KIF15: variants seen among roughly 807,000 people sequenced by gnomAD.
The protein encoded by KIF15 is kinesin-like protein KIF15.
Under a neutral mutation model 190.6 loss-of-function variants are expected in KIF15, and 140 were observed. The observed-to-expected ratio is 0.73, with a 90% CI of 0.64 to 0.84. The LOEUF is 0.84. KIF15 is among the 40% of genes least tolerant of loss of function. The pLI, the probability that KIF15 is intolerant of heterozygous loss-of-function variation, is 0.00. For synonymous variants in KIF15, 528 were observed against 551.3 expected (o/e 0.96, Z 0.59); for missense variants, 1,372 against 1,584.4 (o/e 0.87, Z 2.28).
intron 27 of KIF15, among the ~76,000 whole-genome samples, chr3:44,839,606 A>G (rs1559585422): frequency 6.6e-6 from 1 of 152,112 alleles, no homozygotes; most frequent in Non-Finnish European, 1.5e-5. Flanking sequence ...GCCCTGCAGT[A>G]GATCTCCAAA....
rs1459643261 is a variant in KIF15 at position 44,853,055 on chromosome 3, A to T, written c.*320A>T. On this transcript the variant is annotated 3_prime_UTR_variant, in exon 35 of 35. Transcript: ENST00000326047. ...ATTAGCCAGATCATTTTCTTCTTAG[A>T]TTATGCCATAATCTCCTTTGATTCT... 1.1e-5 allele frequency: 2 copies of T among 181,672 alleles called. No homozygotes were observed. The highest frequency in any genetic ancestry group is 4.7e-5 in the African/African-American group (2 of 42,604). The allele number at this position is 181,672 out of a possible 1,614,324, so 11.3% of individuals were successfully genotyped here.
At chr3:44,766,201 G>A (rs1705366443) in intron 1 of KIF15, among the ~76,000 whole-genome samples, 1 of 152,210 alleles carries the variant, frequency 6.6e-6, no homozygotes, top group Non-Finnish European at 1.5e-5. Context: ...GAGATTAGGA[G>A]TTATCTGTTT....
intron 6 of KIF15, among the ~76,000 whole-genome samples, chr3:44,868,596 G>T (rs182829113): frequency 6.6e-6 from 1 of 152,280 alleles, no homozygotes; most frequent in Non-Finnish European, 1.5e-5. Flanking sequence ...CAGGAAAAGG[G>T]CCCTCATCAG....
At chr3:44,798,266 G>A (rs535752824) in intron 10 of KIF15, among the ~76,000 whole-genome samples, 201 of 151,814 alleles carry the variant, frequency 1.3e-3, no homozygotes, top group African/African-American at 4.4e-3. Flanking sequence ...GGGCTCAAGC[G>A]ATCCTCCTGC....
At chr3:44,820,335 TTC>T (rs1708210251) in intron 20 of KIF15, among the ~76,000 whole-genome samples, 3 of 150,624 alleles carry the variant, frequency 2.0e-5, no homozygotes, top group African/African-American at 7.3e-5. Flanking sequence ...TCTTTTTTTT[TTC>T]CTTTTTTTTT....
At chr3:44,865,174 G>A in intron 6 of KIF15, 3 of 1,614,198 alleles carry the variant, frequency 1.9e-6, no homozygotes, top group Non-Finnish European at 2.5e-6. Flanking sequence ...CACACAAGCA[G>A]CAGTAGCACC....
intron 7 of KIF15, among the ~76,000 whole-genome samples, chr3:44,789,726 G>A (rs1706594438): frequency 7.1e-6 from 1 of 141,368 alleles, no homozygotes; most frequent in Middle Eastern, 3.5e-3. Context: ...AACACAACAA[G>A]TCCTCACTTA....
intron 7 of KIF15, among the ~76,000 whole-genome samples, chr3:44,790,743 A>C (rs951831168): frequency 1.5e-5 from 2 of 132,500 alleles, no homozygotes; most frequent in African/African-American, 5.9e-5. Context: ...GCCAGGCTAG[A>C]GTGCAGTGGC....
chr3:44,805,997 T>G lies in KIF15; in HGVS notation c.1971+11T>G, dbSNP rs565687004. On this transcript the variant is annotated intron_variant, in intron 16 of 34. Transcript: ENST00000326047. ...GCTGAAACACTTAAGGTAGGTCATC[T>G]GAACAATACCTCCACCTTAAATCAG... 3.1e-6 allele frequency: 5 copies of G among 1,611,978 alleles called. No individual in the cohort carries two copies. The African/African-American group carries it at 6.7e-5, about 22-fold the overall frequency.
rs1342938058 is a variant in KIF15 at position 44,810,935 on chromosome 3, C to CGTAT, written c.2061_2062insGTAT (p.Thr688ValfsTer6). 1.2e-6 allele frequency: 2 copies of CGTAT among 1,613,650 alleles called. No homozygotes were observed. The highest frequency in any genetic ancestry group is 1.7e-6 in the Non-Finnish European group (2 of 1,179,712). ...AAATGGGAAGCTTTGGCTCTCTATA[C>CGTAT]ACTCAGAATTCTAGCATATTAGATA... is the stretch of plus-strand genomic sequence containing the variant. On this transcript the variant is annotated frameshift_variant, in exon 17 of 35. Transcript: ENST00000326047. LOFTEE classifies it high-confidence loss of function.
chr3:44,829,967 TC>T lies in KIF15; in HGVS notation c.2944-3del. 1 of 1,549,470 alleles carries T rather than the reference TC, an allele frequency of 6.5e-7. No homozygotes were observed. ...TATGAAGATATTATTTCTGTCCTCA[TC>T]AGAAAGTTGTAGCTGACCTCATGAA... On this transcript the variant is annotated splice_polypyrimidine_tract_variant and splice_region_variant and intron_variant, in intron 24 of 34. Coordinates refer to ENST00000326047, the MANE Select transcript of KIF15 (RefSeq NM_020242.3).
At chr3:44,787,900 G>A (rs1418541344) in intron 7 of KIF15, among the ~76,000 whole-genome samples, 1 of 151,662 alleles carries the variant, frequency 6.6e-6, no homozygotes, top group Non-Finnish European at 1.5e-5. Context: ...TGTCACCCAG[G>A]CTGGAGTGCA....
At chr3:44,774,305 A>G in intron 1 of KIF15, 90 bp from the exon 2 acceptor site, 1 of 1,119,864 alleles carries the variant, frequency 8.9e-7, no homozygotes. Flanking sequence ...AGGAGGCTGA[A>G]TGTAGCAGGC....
Position 44,775,291 on chromosome 3 carries a change from C to T in KIF15, c.100C>T (p.Arg34Cys), listed in dbSNP as rs201137952. 413 of 1,613,666 alleles carry T rather than the reference C, an allele frequency of 2.6e-4. 7 individuals are homozygous for T. The East Asian group carries it at 8.9e-3, about 35-fold the overall frequency. Residue 34 changes from arginine to cysteine, a missense_variant, in exon 3 of 35, where the codon CGT (arginine) becomes TGT (cysteine). Physicochemically the swap from Arg to Cys is radical, Grantham distance 180. Coordinates refer to ENST00000326047, the MANE Select transcript of KIF15 (RefSeq NM_020242.3). ...TGCCATCAAAGTTTTTGTGCGAATT[C>T]GTCCTCCTGCAGAAAGATCTGGGTC... ...GDAIKVFVRI[R>C]PPAERSGSAD... is the part of the protein sequence containing the mutation.
downstream of KIF15, among the ~76,000 whole-genome samples, chr3:44,857,793 G>A (rs918967397): frequency 6.6e-6 from 1 of 152,204 alleles, no homozygotes; most frequent in South Asian, 2.1e-4. Context: ...GAGAGAGCAC[G>A]TATGTTTTTA....
chr3:44,812,297 C>CAAG lies in KIF15; in HGVS notation c.2277+10_2277+12dup. 1 of 1,591,838 alleles carries CAAG rather than the reference C, an allele frequency of 6.3e-7. No individual in the cohort carries two copies. The highest frequency in any genetic ancestry group is 8.6e-7 in the Non-Finnish European group (1 of 1,160,484). On this transcript the variant is annotated intron_variant, in intron 18 of 34. Coordinates refer to ENST00000326047, the MANE Select transcript of KIF15 (RefSeq NM_020242.3). ...TCTACCCAAATGCAGGAGGTGAGAC[C>CAAG]AAGAGCACAGCCTCAGAAAATGTAT...
intron 22 of KIF15, 197 bp from the exon 23 acceptor site, chr3:44,827,262 A>G (rs1697715638): frequency 1.9e-6 from 1 of 529,048 alleles, no homozygotes; most frequent in African/African-American, 1.9e-5. Flanking sequence ...AAAAACAGTC[A>G]TGGCACAAAA....
At chr3:44,780,798 G>A in intron 4 of KIF15, 87 bp from the exon 5 acceptor site, 1 of 815,924 alleles carries the variant, frequency 1.2e-6, no homozygotes, top group East Asian at 2.7e-5. Context: ...AACTTTTTGT[G>A]GAGAAAACTT....
chr3:44,766,898 C>T (rs1053694664), intron 1 of KIF15, among the ~76,000 whole-genome samples: 2 of 148,906 alleles, frequency 1.3e-5, no homozygotes, highest in African/African-American at 5.1e-5. Flanking sequence ...GCAAGCTCCG[C>T]CTCCTGGGTT....
Sources: gnomAD v4.1 joint callset for allele counts (sites outside exome capture counted in the v4.1 genomes callset) on GRCh38, gnomAD v4.1.1 for gene constraint, MANE v1.5 for transcripts, NCBI Gene and HGNC (gene_info 2026-07-23, HGNC 2026-07-21) for gene names.